The following TMEM38B variants were observed in gnomAD, a reference collection of about 807,000 sequenced individuals.
TMEM38B encodes trimeric intracellular cation channel type B.
In TMEM38B, 24 loss-of-function variants were observed where a neutral mutation model predicts 28.7. The observed-to-expected ratio is 0.84, with a 90% CI of 0.61 to 1.18. TMEM38B has a LOEUF of 1.18. Among genes scored for constraint, TMEM38B ranks in the 50% most tolerant of loss-of-function variants. The probability of loss-of-function intolerance (pLI) is 0.00; values close to 1 mark genes in which losing one functional copy is unlikely to be tolerated. For synonymous variants in TMEM38B, 131 were observed against 127.7 expected (o/e 1.03, Z -0.17); for missense variants, 380 against 350.9 (o/e 1.08, Z -0.66).
intron 5 of TMEM38B, among the ~76,000 whole-genome samples, chr9:105,753,496 A>C (rs1837730569): frequency 6.6e-6 from 1 of 152,216 alleles, no homozygotes; most frequent in African/African-American, 2.4e-5. Context: ...GCCAGAAGAG[A>C]TTGGGGGCCA....
At chr9:105,746,919 A>G (rs988601908) in intron 4 of TMEM38B, among the ~76,000 whole-genome samples, 1 of 152,168 alleles carries the variant, frequency 6.6e-6, no homozygotes, top group Non-Finnish European at 1.5e-5. Context: ...CATCCCAGGG[A>G]CGAAGCCCAC....
In TMEM38B at chr9:105,776,041, C is replaced by T. The variant is rs1187079597; in HGVS notation, c.*1961C>T. The T allele has an allele frequency of 6.6e-6, 1 of 152,192 alleles. No individual in the cohort carries two copies. Among genetic ancestry groups the T allele is most frequent in the African/African-American group, 2.4e-5 (1 of 41,436 alleles). 9.4% of individuals were successfully genotyped at this position (152,192 alleles called of 1,614,324 possible). A position where few individuals can be genotyped will look rare whatever the true frequency, so the allele number is the denominator to read the frequency against. On this transcript the variant is annotated 3_prime_UTR_variant, in exon 6 of 6. Transcript: ENST00000374692. ...CTTAGGCCTGAAACCCATCCTGAAT[C>T]TATTCAGGTCACCTGTAGAGTCTTG... is the stretch of plus-strand genomic sequence containing the variant.
chr9:105,760,194 A>C, intron 5 of TMEM38B: 2 of 905,012 alleles, frequency 2.2e-6, no homozygotes, highest in South Asian at 2.6e-5. Flanking sequence ...TGATTTCCCA[A>C]ATGAGTCAAA....
At chr9:105,716,791 TCTTC>T (rs1836115383) in intron 2 of TMEM38B, among the ~76,000 whole-genome samples, 3 of 152,226 alleles carry the variant, frequency 2.0e-5, no homozygotes, top group African/African-American at 7.2e-5. Context: ...ATACATTATC[TCTTC>T]CTTAACATTT....
intron 4 of TMEM38B, among the ~76,000 whole-genome samples, chr9:105,738,265 G>T (rs1837058294): frequency 6.6e-6 from 1 of 152,106 alleles, no homozygotes; most frequent in African/African-American, 2.4e-5. Flanking sequence ...CACGGTGGTG[G>T]TGAGGGTTGT....
Position 105,694,676 on chromosome 9 carries a change from G to C in TMEM38B, c.16G>C (p.Asp6His). Residue 6 changes from aspartate (D) to histidine (H), a missense_variant, in exon 1 of 6, where the codon GAC (aspartate) becomes CAC (histidine). Transcript: ENST00000374692. MDSPW[D>H]ELALAFSRTS... ...GGTGGTCGTTATGGATTCTCCATGGGACGAGTTGGCTCTGGCCTTCTCCCG... is the reference window on the plus strand; with the variant it reads ...GGTGGTCGTTATGGATTCTCCATGGCACGAGTTGGCTCTGGCCTTCTCCCG... 1.2e-6 allele frequency: 2 copies of C among 1,613,912 alleles called. No homozygotes were observed. Among genetic ancestry groups the C allele is most frequent in the Non-Finnish European group, 1.7e-6 (2 of 1,179,838 alleles).
At chr9:105,733,044 TTGAG>T (rs1836822027) in intron 4 of TMEM38B, among the ~76,000 whole-genome samples, 1 of 152,150 alleles carries the variant, frequency 6.6e-6, no homozygotes, top group Non-Finnish European at 1.5e-5. Context: ...TTGTGCGGTT[TTGAG>T]TGAGTTTCTT....
intron 5 of TMEM38B, among the ~76,000 whole-genome samples, chr9:105,761,163 G>C (rs1187937362): frequency 1.3e-5 from 2 of 152,114 alleles, no homozygotes; most frequent in African/African-American, 2.4e-5. Context: ...TTACTTCTTT[G>C]TTTCTAAGTA....
intron 5 of TMEM38B, among the ~76,000 whole-genome samples, chr9:105,767,524 TGGGAA>T (rs1826414965): frequency 6.6e-6 from 1 of 152,212 alleles, no homozygotes; most frequent in Non-Finnish European, 1.5e-5. Context: ...TAGATTAATT[TGGGAA>T]GAAATCAGAT....
chr9:105,702,878 C>G (rs931526480), intron 1 of TMEM38B: 4 of 152,156 alleles, frequency 2.6e-5, no homozygotes, highest in African/African-American at 9.6e-5. Context: ...GGGAGTCTTG[C>G]TATGTTGCTC....
At position 105,759,805 on chromosome 9, in the gene TMEM38B, T is replaced by C. The variant is rs969488667; in HGVS notation, c.660+11615T>C. ...TTTGACTGCTCAAGACCAAGAGGAG[T>C]TGTGTAATGGGAAATGCAAGTCAAA... is the stretch of plus-strand genomic sequence containing the variant. On this transcript the variant is annotated intron_variant, in intron 5 of 5. Coordinates refer to ENST00000374692, the MANE Select transcript of TMEM38B (RefSeq NM_018112.3). The C allele has an allele frequency of 3.1e-6, 5 of 1,607,704 alleles. No homozygotes were observed. The African/African-American group carries it at 4.0e-5, about 13-fold the overall frequency.
chr9:105,746,484 C>T (rs1324405980), intron 4 of TMEM38B, among the ~76,000 whole-genome samples: 9 of 152,180 alleles, frequency 5.9e-5, no homozygotes, highest in Non-Finnish European at 1.0e-4. Context: ...TGGGCTGAGA[C>T]GATGGCGTTT....
chr9:105,725,552 C>A (rs1300284453), intron 4 of TMEM38B, among the ~76,000 whole-genome samples: 49 of 151,994 alleles, frequency 3.2e-4, no homozygotes, highest in Admixed American at 3.2e-3. Context: ...AGTATACTTA[C>A]ACAAACCTAG....
chr9:105,710,357 G>A, intron 2 of TMEM38B: 2 of 742,266 alleles, frequency 2.7e-6, no homozygotes, highest in Admixed American at 4.3e-5. Context: ...AGGATTATAT[G>A]ATCTTCTATA....
chr9:105,736,784 A>T (rs1486045075), intron 4 of TMEM38B, among the ~76,000 whole-genome samples: 1 of 152,198 alleles, frequency 6.6e-6, no homozygotes, highest in Non-Finnish European at 1.5e-5. Flanking sequence ...ACCTGTGTGT[A>T]CCAGTTGGGC....
At chr9:105,717,602 A>C (rs1487522278) in intron 2 of TMEM38B, among the ~76,000 whole-genome samples, 4 of 152,166 alleles carry the variant, frequency 2.6e-5, no homozygotes, top group African/African-American at 9.7e-5. Context: ...ATATGATTCT[A>C]TTTATAAAAC....
chr9:105,754,434 C>G (rs892598635), intron 5 of TMEM38B, among the ~76,000 whole-genome samples: 2 of 152,066 alleles, frequency 1.3e-5, no homozygotes, highest in African/African-American at 4.8e-5. Context: ...ATAACAGTCT[C>G]TCAGACCACA....
intron 5 of TMEM38B, among the ~76,000 whole-genome samples, chr9:105,757,519 C>T (rs1405950555): frequency 6.6e-6 from 1 of 152,096 alleles, no homozygotes; most frequent in African/African-American, 2.4e-5. Context: ...AGTTTATATT[C>T]CCACCAGCAG....
chr9:105,736,807 C>T (rs1397190945), intron 4 of TMEM38B, among the ~76,000 whole-genome samples: 1 of 152,154 alleles, frequency 6.6e-6, no homozygotes, highest in African/African-American at 2.4e-5. Flanking sequence ...GTTATGGTGA[C>T]TCTTGTTCTG....
Sources: gnomAD v4.1 joint callset for allele counts (sites outside exome capture counted in the v4.1 genomes callset) on GRCh38, gnomAD v4.1.1 for gene constraint, MANE v1.5 for transcripts, NCBI Gene and HGNC (gene_info 2026-07-23, HGNC 2026-07-21) for gene names.